The following FABP6 variants were observed in gnomAD, a reference collection of about 807,000 sequenced individuals.
The protein encoded by FABP6 is gastrotropin.
A neutral mutation model predicts 14.9 loss-of-function variants in FABP6; 13 were observed. The ratio of observed to expected loss-of-function variants is 0.87; its 90% confidence interval spans 0.57 to 1.39. The LOEUF is 1.39. Ranked by LOEUF, FABP6 falls within the 40% of genes most tolerant of loss-of-function variation. The pLI is 0.00. For synonymous variants in FABP6, 75 were observed against 63.6 expected, an observed-to-expected ratio of 1.18 and a Z score of -0.85; for missense variants, 161 against 167.2, an observed-to-expected ratio of 0.96 and a Z score of 0.20.
chr5:160,233,939 G>T (rs1184813511), intron 2 of FABP6, among the ~76,000 whole-genome samples: 1 of 152,038 alleles, frequency 6.6e-6, no homozygotes, highest in Non-Finnish European at 1.5e-5. Flanking sequence ...TGTGTCTAGG[G>T]CCTTGCAGCT....
At chr5:160,208,796 G>A (rs1442293160) in intron 2 of FABP6, among the ~76,000 whole-genome samples, 1 of 115,356 alleles carries the variant, frequency 8.7e-6, no homozygotes, top group East Asian at 2.4e-4. Flanking sequence ...TTTTTTTTTT[G>A]TAGGGAGTCT....
intron 3 of FABP6, among the ~76,000 whole-genome samples, chr5:160,221,132 C>T (rs1350174943): frequency 6.8e-6 from 1 of 148,120 alleles, no homozygotes; most frequent in East Asian, 2.0e-4. Flanking sequence ...AGGACAGGTA[C>T]TTGGTATTTC....
At chr5:160,238,521 T>C (rs1760568244) in intron 3 of FABP6, 85 bp from the exon 4 acceptor site, 3 of 1,196,582 alleles carry the variant, frequency 2.5e-6, no homozygotes, top group Non-Finnish European at 3.7e-6. Flanking sequence ...AAGGCCGGGG[T>C]TGGAGACTCA....
At chr5:160,211,258 G>A (rs6887792) in intron 2 of FABP6, among the ~76,000 whole-genome samples, 93,018 of 151,878 alleles carry the variant, frequency 0.61, 28,712 homozygotes, top group African/African-American at 0.64. Flanking sequence ...TGCTGCATGT[G>A]GGTCTCTGTG....
upstream of FABP6, among the ~76,000 whole-genome samples, chr5:160,224,836 G>A: frequency 6.6e-6 from 1 of 151,214 alleles, no homozygotes; most frequent in East Asian, 2.0e-4. Flanking sequence ...GGCGTGCAGT[G>A]GCATGATCTC....
chr5:160,219,555 G>T (rs1210892866), intron 3 of FABP6, among the ~76,000 whole-genome samples: 2 of 152,114 alleles, frequency 1.3e-5, no homozygotes, highest in Non-Finnish European at 2.9e-5. Context: ...AGGGTCAGAT[G>T]TACACTTAGA....
In FABP6 at chr5:160,232,164, G is replaced by A; in HGVS notation, c.134G>A (p.Gly45Glu). The change falls in exon 2 of 4, where the codon GGG becomes GAG. Residue 45 changes from glycine to glutamate, a missense_variant. Gly to Glu is a moderately conservative substitution (Grantham distance 98). Coordinates refer to ENST00000402432, the MANE Select transcript of FABP6 (RefSeq NM_001445.3). The stretch of plus-strand genomic sequence containing the variant: ...ATCGTCACGGAGGTGCAGCAGGATG[G>A]GCAGGACTTCACTTGGTCCCAGCAC... Reference protein sequence around the residue: ...FKIVTEVQQDGQDFTWSQHYS... With the variant: ...FKIVTEVQQDEQDFTWSQHYS... The A allele has an allele frequency of 6.2e-7, 1 of 1,613,930 alleles. No homozygotes were observed. The highest frequency in any genetic ancestry group is 2.2e-5 in the East Asian group (1 of 44,872).
intron 1 of FABP6, among the ~76,000 whole-genome samples, chr5:160,194,675 CT>C (rs1261589896): frequency 6.6e-6 from 1 of 152,218 alleles, no homozygotes. Flanking sequence ...CTCTCCCAGG[CT>C]TTTTGTTCAT....
chr5:160,194,042 T>C (rs538375333), intron 1 of FABP6, among the ~76,000 whole-genome samples: 95 of 152,308 alleles, frequency 6.2e-4, no homozygotes, highest in Admixed American at 1.2e-3. Flanking sequence ...CCCTGCCCCA[T>C]GGGAAGGCAG....
At chr5:160,211,391 G>T (rs2113102889) in intron 2 of FABP6, among the ~76,000 whole-genome samples, 1 of 152,272 alleles carries the variant, frequency 6.6e-6, no homozygotes. Context: ...TGAAGTGCTT[G>T]CTAGGTGCTG....
chr5:160,222,322 C>A (rs1760146440), intron 3 of FABP6, among the ~76,000 whole-genome samples: 1 of 151,804 alleles, frequency 6.6e-6, no homozygotes, highest in Admixed American at 6.6e-5. Flanking sequence ...CCTACATTTT[C>A]TTTTCTTCTT....
chr5:160,231,548 C>A (rs979449110), intron 1 of FABP6, among the ~76,000 whole-genome samples: 1 of 152,156 alleles, frequency 6.6e-6, no homozygotes, highest in African/African-American at 2.4e-5. Context: ...CACCTGCCAC[C>A]ATGCCCAGAT....
intron 2 of FABP6, among the ~76,000 whole-genome samples, chr5:160,211,753 G>T (rs1404641337): frequency 6.6e-6 from 1 of 151,934 alleles, no homozygotes; most frequent in Non-Finnish European, 1.5e-5. Context: ...TTATTTTTTG[G>T]TTTGTCACCA....
upstream of FABP6, among the ~76,000 whole-genome samples, chr5:160,227,415 T>C (rs1464247467): frequency 3.3e-5 from 5 of 151,548 alleles, no homozygotes; most frequent in Admixed American, 2.0e-4. Context: ...TAGTCCCAGC[T>C]ACTAGGGAGG....
At chr5:160,229,240 G>A (rs998312281), upstream of FABP6, among the ~76,000 whole-genome samples, 6 of 152,176 alleles carry the variant, frequency 3.9e-5, no homozygotes, top group African/African-American at 1.4e-4. Context: ...CATGGGTTGA[G>A]GGCAGGGCAT....
intron 3 of FABP6, chr5:160,213,845 GGGT>G: frequency 7.0e-6 from 11 of 1,572,046 alleles, no homozygotes; most frequent in South Asian, 1.1e-5. Flanking sequence ...AGGGAGGGAA[GGGT>G]TCCTGACGTT....
At chr5:160,238,084 C>T (rs755122854) in intron 3 of FABP6, among the ~76,000 whole-genome samples, 49 of 152,096 alleles carry the variant, frequency 3.2e-4, no homozygotes, top group Non-Finnish European at 6.0e-4. Context: ...CCTGGGGCAC[C>T]GCACACTGTG....
intron 3 of FABP6, among the ~76,000 whole-genome samples, chr5:160,218,326 C>T (rs1012318434): frequency 2.6e-5 from 4 of 152,044 alleles, no homozygotes; most frequent in Non-Finnish European, 1.5e-5. Context: ...AAATAAGGTG[C>T]CCAAGGCCAC....
chr5:160,192,657 C>G (rs899470049), intron 1 of FABP6, among the ~76,000 whole-genome samples: 4 of 152,256 alleles, frequency 2.6e-5, no homozygotes, highest in Non-Finnish European at 5.9e-5. Context: ...GCCACAGAGA[C>G]ACAGGCTCAG....
Sources: allele counts gnomAD v4.1 joint callset (sites outside exome capture counted in the v4.1 genomes callset), GRCh38; gene constraint gnomAD v4.1.1; transcripts MANE v1.5; gene names NCBI Gene and HGNC (gene_info 2026-07-23, HGNC 2026-07-21).